The following CYFIP1 variants were observed in gnomAD, a reference collection of about 807,000 sequenced individuals.
CYFIP1 encodes cytoplasmic FMR1 interacting protein 1, also known as cytoplasmic FMR1-interacting protein 1.
A neutral mutation model predicts 163.5 loss-of-function variants in CYFIP1; 58 were observed. The ratio of observed to expected loss-of-function variants is 0.35; its 90% CI spans 0.29 to 0.44. The LOEUF (loss-of-function observed/expected upper bound fraction) is 0.44, where lower values mean the gene tolerates loss of function less well. Among genes scored for constraint, CYFIP1 ranks in the 20% least tolerant of loss-of-function variants. CYFIP1 has a pLI of 1.00. For synonymous variants in CYFIP1, 663 were observed against 660.7 expected (o/e 1.00, Z -0.05); for missense variants, 1,338 against 1,653.8 (o/e 0.81, Z 3.31).
At chr15:22,951,463 C>G in intron 1 of CYFIP1, 1 of 1,289,440 alleles carries the variant, frequency 7.8e-7, no homozygotes, top group Non-Finnish European at 1.0e-6. Flanking sequence ...ACGCAGGCAC[C>G]TCAGGGTGAT....
chr15:22,890,509 C>A (rs556493667), intron 23 of CYFIP1, among the ~76,000 whole-genome samples: 1 of 152,282 alleles, frequency 6.6e-6, no homozygotes, highest in Non-Finnish European at 1.5e-5. Context: ...CCGGTCACTG[C>A]ATTCTTGGCG....
At chr15:22,888,394 C>A in intron 23 of CYFIP1, among the ~76,000 whole-genome samples, 1 of 152,234 alleles carries the variant, frequency 6.6e-6, no homozygotes, top group African/African-American at 2.4e-5. Context: ...GGGTGGTGGT[C>A]AACATCAGTG....
chr15:22,932,253 A>G lies in CYFIP1; in HGVS notation c.1080T>C (p.Ile360=). ...IQIREDHMRF[I]SELARYSNSE... ...TGTTGCTGTAGCGCGCCAGCTCCGA[A>G]ATGAAGCGCATGTGGTCCTCGCGGA... The change falls in exon 11 of 31, where the codon ATT becomes ATC. Residue 360 remains isoleucine (I), a synonymous_variant. Coordinates refer to ENST00000617928, the MANE Select transcript of CYFIP1 (RefSeq NM_014608.6). 1 of 1,612,736 alleles carries G rather than the reference A, an allele frequency of 6.2e-7. No homozygotes were observed. Among genetic ancestry groups the G allele is most frequent in the Non-Finnish European group, 8.5e-7 (1 of 1,179,410 alleles).
In CYFIP1 at chr15:22,889,635, C is replaced by A. The variant is rs75353098; in HGVS notation, c.2676+3255G>T. Among the ~76,000 whole-genome samples the A allele has an allele frequency of 9.2e-5, 14 of 152,312 alleles. No homozygotes were observed. In the South Asian group the frequency reaches 2.3e-3, roughly 25 times the overall value. On this transcript the variant is annotated intron_variant, in intron 23 of 30. Transcript: ENST00000617928. ...ACGCAGTCGGGTCGCCTGCCTACCCCCCGCCTGCCTCCCTCGCTTCCACAG... is the reference window on the plus strand; with the variant it reads ...ACGCAGTCGGGTCGCCTGCCTACCCACCGCCTGCCTCCCTCGCTTCCACAG...
chr15:22,921,805 T>A (rs2061192734), intron 13 of CYFIP1, among the ~76,000 whole-genome samples: 1 of 147,396 alleles, frequency 6.8e-6, no homozygotes, highest in African/African-American at 2.5e-5. Flanking sequence ...GTTACCAGCA[T>A]TAAGAATGAA....
At position 22,917,143 on chromosome 15, in the gene CYFIP1, C is replaced by T. The variant is rs538741412; in HGVS notation, c.1675-513G>A. The stretch of plus-strand genomic sequence containing the variant: ...AGAGGGAGGCAGGGAGGGTGGCTGG[C>T]ACCACGCACAGGCCGAGGGCCGTCC... On this transcript the variant is annotated intron_variant, in intron 15 of 30. Coordinates refer to ENST00000617928, the MANE Select transcript of CYFIP1 (RefSeq NM_014608.6). This position sits in a 1 kb window ranked among gnomAD's most constrained non-coding sequence, Gnocchi z 4.2. The T allele has an allele frequency of 1.1e-4, 155 of 1,442,888 alleles. 1 individual carries two copies. In the South Asian group the frequency reaches 2.2e-3, roughly 21 times the overall value. 89.4% of individuals were successfully genotyped at this position (1,442,888 alleles called of 1,614,324 possible).
chr15:22,910,930 G>A, intron 18 of CYFIP1, 117 bp from the exon 19 acceptor site: 1 of 899,514 alleles, frequency 1.1e-6, no homozygotes, highest in Non-Finnish European at 1.8e-6. Flanking sequence ...ATTTTTTTGA[G>A]ACGGAGTCTT....
intron 13 of CYFIP1, among the ~76,000 whole-genome samples, chr15:22,925,286 C>T (rs985217111): frequency 2.1e-4 from 32 of 152,254 alleles, no homozygotes; most frequent in Admixed American, 9.2e-4. Flanking sequence ...GACAGAAAGA[C>T]GTGCTTTCTC....
chr15:22,968,329 A>C (rs142425888), intron 1 of CYFIP1, among the ~76,000 whole-genome samples: 84 of 152,240 alleles, frequency 5.5e-4, no homozygotes, highest in African/African-American at 7.7e-4. Context: ...TAGACTCTGA[A>C]TGAAACAAAT....
rs1468608716 is a variant in CYFIP1, at chr15:22,947,057, T to C, written c.153A>G (p.Ala51=). 1.9e-6 allele frequency: 3 copies of C among 1,614,140 alleles called. No individual in the cohort carries two copies. The highest frequency in any genetic ancestry group is 2.2e-5 in the East Asian group (1 of 44,878). ...TGTATCTTGCGATGCCAGTAACAAA[T>C]GCATTTCTGTCTTCAAAGTTAGTGT... ...NFNTNFEDRN[A]FVTGIARYIE... The change falls in exon 3 of 31, where the codon GCA becomes GCG. Residue 51 remains alanine, a synonymous_variant. Coordinates refer to ENST00000617928, the MANE Select transcript of CYFIP1 (RefSeq NM_014608.6).
At chr15:22,918,277 G>A (rs2061061959) in intron 14 of CYFIP1, among the ~76,000 whole-genome samples, 1 of 152,242 alleles carries the variant, frequency 6.6e-6, no homozygotes, top group South Asian at 2.1e-4. Context: ...CCGCCTGCCC[G>A]CAGCTGGCTG....
At chr15:22,870,276 T>A in intron 30 of CYFIP1, 84 bp from the exon 31 acceptor site, 1 of 1,476,186 alleles carries the variant, frequency 6.8e-7, no homozygotes, top group Non-Finnish European at 9.2e-7. Flanking sequence ...ATTCTTATAT[T>A]TTCTCAGAAA....
At chr15:22,928,118 G>A (rs1032422424) in intron 11 of CYFIP1, 90 bp from the exon 12 acceptor site, 3 of 1,368,084 alleles carry the variant, frequency 2.2e-6, no homozygotes, top group South Asian at 1.6e-5. Flanking sequence ...CCACCCCAAA[G>A]TCACACGTGT....
intron 1 of CYFIP1, among the ~76,000 whole-genome samples, chr15:22,970,498 A>C (rs1016313507): frequency 6.6e-6 from 1 of 152,250 alleles, no homozygotes. Flanking sequence ...ATCTTGAAAA[A>C]GATGAACAAA....
chr15:22,883,028 AG>A lies in CYFIP1; in HGVS notation c.2677-18del, dbSNP rs766463476. 5 of 1,612,512 alleles carry A rather than the reference AG, an allele frequency of 3.1e-6. No homozygotes were observed. In the South Asian group the frequency reaches 5.5e-5, roughly 18 times the overall value. On this transcript the variant is annotated intron_variant, in intron 23 of 30. Coordinates refer to ENST00000617928, the MANE Select transcript of CYFIP1 (RefSeq NM_014608.6). ...GTTCAAAGCCTGGAAAACAGGGCAC[AG>A]AGCTCTCAGCATGGTCCCCGCACAC...
intron 21 of CYFIP1, chr15:22,904,180 G>GC: frequency 1.9e-6 from 1 of 519,366 alleles, no homozygotes; most frequent in Non-Finnish European, 3.5e-6. Flanking sequence ...TGCACGTGTG[G>GC]CCTGCTACTG....
intron 1 of CYFIP1, among the ~76,000 whole-genome samples, chr15:22,949,355 C>G (rs1165821527): frequency 6.6e-6 from 1 of 152,022 alleles, no homozygotes; most frequent in Non-Finnish European, 1.5e-5. Flanking sequence ...GATCCTCCCT[C>G]AAGATGGGAA....
At chr15:22,951,579 C>T in intron 1 of CYFIP1, 1 of 1,282,236 alleles carries the variant, frequency 7.8e-7, no homozygotes, top group Non-Finnish European at 1.0e-6. Context: ...CTTTCTGCGG[C>T]CTGAACCCAG....
intron 18 of CYFIP1, among the ~76,000 whole-genome samples, chr15:22,911,550 G>A (rs1026257665): frequency 6.6e-6 from 1 of 152,130 alleles, no homozygotes; most frequent in Non-Finnish European, 1.5e-5. Flanking sequence ...GATGGGATTC[G>A]CACTATCTCC....
Sources: gnomAD v4.1 joint callset for allele counts (sites outside exome capture counted in the v4.1 genomes callset) on GRCh38, gnomAD v4.1.1 for gene constraint, Gnocchi (gnomAD v3.1) non-coding constraint, MANE v1.5 for transcripts, NCBI Gene and HGNC (gene_info 2026-07-23, HGNC 2026-07-21) for gene names.